ARHGEF11: variants seen among roughly 807,000 people sequenced by gnomAD.
The protein encoded by ARHGEF11 is Rho guanine exchange factor (GEF) 11.
A neutral mutation model predicts 193.7 loss-of-function variants in ARHGEF11; 55 were observed. That is an observed-to-expected ratio of 0.28 (90% CI 0.23 to 0.36). The LOEUF is 0.36. Among genes scored for constraint, ARHGEF11 ranks in the 10% least tolerant of loss-of-function variants. ARHGEF11 has a pLI of 1.00. For missense variants in ARHGEF11, 1,723 were observed against 2,005.6 expected (o/e 0.86, Z 2.69); for synonymous variants, 693 against 768.0 (o/e 0.90, Z 1.62).
At chr1:156,958,902 A>C in intron 16 of ARHGEF11, 38 bp from the exon 17 acceptor site, 1 of 1,613,686 alleles carries the variant, frequency 6.2e-7, no homozygotes, top group South Asian at 1.1e-5. Context: ...AGAAATATAC[A>C]CAAATACTCA....
chr1:156,945,761 G>A (rs1657992040), intron 29 of ARHGEF11: 1 of 366,204 alleles, frequency 2.7e-6, no homozygotes, highest in Non-Finnish European at 5.1e-6. Context: ...GTGCCCTTGA[G>A]TGCCAGCCTG....
intron 19 of ARHGEF11, 94 bp downstream of exon 19, chr1:156,956,326 G>A (rs1659944325): frequency 1.5e-6 from 2 of 1,334,020 alleles, no homozygotes; most frequent in African/African-American, 1.5e-5. Flanking sequence ...ATGTTGCCCA[G>A]GCTGGTCTCG....
chr1:156,974,974 T>C (rs1213046444), intron 7 of ARHGEF11, among the ~76,000 whole-genome samples: 1 of 152,160 alleles, frequency 6.6e-6, no homozygotes, highest in Non-Finnish European at 1.5e-5. Flanking sequence ...GTATGAATGT[T>C]CATGTACAAG....
intron 35 of ARHGEF11, among the ~76,000 whole-genome samples, chr1:156,940,678 T>C (rs781518114): frequency 8.5e-5 from 13 of 152,176 alleles, no homozygotes; most frequent in Non-Finnish European, 1.6e-4. Flanking sequence ...CAGTCAATTA[T>C]GTAGTTTGTT....
At chr1:157,000,439 T>A (rs1158873779) in intron 1 of ARHGEF11, among the ~76,000 whole-genome samples, 5 of 152,200 alleles carry the variant, frequency 3.3e-5, no homozygotes, top group Non-Finnish European at 7.3e-5. Context: ...TGAGTCGACT[T>A]TTGATTATTG....
chr1:156,991,747 C>T (rs199620326), intron 1 of ARHGEF11, among the ~76,000 whole-genome samples: 1 of 110,282 alleles, frequency 9.1e-6, no homozygotes, highest in Non-Finnish European at 1.7e-5. Context: ...GACGGAGTCT[C>T]GCTCTGTCGC....
At chr1:156,987,665 A>G (rs1000527816) in intron 1 of ARHGEF11, among the ~76,000 whole-genome samples, 13 of 152,166 alleles carry the variant, frequency 8.5e-5, no homozygotes, top group Non-Finnish European at 5.9e-5. Context: ...TTATAAATAT[A>G]AAGGAGTGGG....
At chr1:157,035,603 C>T (rs1471589284) in intron 1 of ARHGEF11, among the ~76,000 whole-genome samples, 1 of 151,620 alleles carries the variant, frequency 6.6e-6, no homozygotes, top group Non-Finnish European at 1.5e-5. Flanking sequence ...CGGGGTTTCT[C>T]CATGTTGGTC....
At chr1:157,046,254 T>G (rs1673318398), upstream of ARHGEF11, among the ~76,000 whole-genome samples, 1 of 135,188 alleles carries the variant, frequency 7.4e-6, no homozygotes, top group South Asian at 2.5e-4. Flanking sequence ...CCGCCACCCC[T>G]GCCGCCTTTT....
At chr1:156,956,885 A>G (rs893495123) in intron 18 of ARHGEF11, among the ~76,000 whole-genome samples, 1 of 152,124 alleles carries the variant, frequency 6.6e-6, no homozygotes, top group African/African-American at 2.4e-5. Flanking sequence ...CCTAAAATGT[A>G]AGTAAATAAT....
chr1:156,947,235 T>C lies in ARHGEF11; in HGVS notation c.2488+69A>G, dbSNP rs1179043026. The C allele has an allele frequency of 3.2e-6, 5 of 1,551,402 alleles. No individual in the cohort carries two copies. In the East Asian group the frequency reaches 9.0e-5, roughly 28 times the overall value. ...TACCTACTCAGGGAGGTCCTGGCAG[T>C]GGGGCCAAAGTGGAACAGGAAGCTG... On this transcript the variant is annotated intron_variant, in intron 26 of 40. Coordinates refer to ENST00000368194, the MANE Select transcript of ARHGEF11 (RefSeq NM_198236.3).
chr1:157,021,683 C>T (rs1460950298), intron 1 of ARHGEF11, among the ~76,000 whole-genome samples: 1 of 152,188 alleles, frequency 6.6e-6, no homozygotes, highest in Non-Finnish European at 1.5e-5. Flanking sequence ...ATTCCTGTTC[C>T]AGTTTGACAC....
intron 1 of ARHGEF11, among the ~76,000 whole-genome samples, chr1:157,032,959 A>G (rs931226108): frequency 6.6e-6 from 1 of 151,700 alleles, no homozygotes; most frequent in Non-Finnish European, 1.5e-5. Flanking sequence ...TATGCCTCTC[A>G]TCTTCCTTCA....
At chr1:156,939,243 T>C (rs924500379) in intron 37 of ARHGEF11, 50 of 384,482 alleles carry the variant, frequency 1.3e-4, no homozygotes, top group Non-Finnish European at 1.9e-4. Context: ...AGACTGGTAC[T>C]GGTAGTTGGT....
intron 13 of ARHGEF11, 103 bp downstream of exon 13, chr1:156,963,100 C>T: frequency 1.2e-6 from 1 of 859,804 alleles, no homozygotes; most frequent in South Asian, 1.5e-5. Context: ...TGACTGTGCC[C>T]ATGGATCTGA....
chr1:156,967,982 C>G lies in ARHGEF11; in HGVS notation c.963+5G>C. ...AAAACTGCAGGGTGGCTCCAGATCA[C>G]TCACCTGGTCACCGGTTGAGGGGAC... On this transcript the variant is annotated splice_donor_5th_base_variant and intron_variant, in intron 11 of 40. Coordinates refer to ENST00000368194, the MANE Select transcript of ARHGEF11 (RefSeq NM_198236.3). 2 of 1,614,026 alleles carry G rather than the reference C, an allele frequency of 1.2e-6. No homozygotes were observed. Among genetic ancestry groups the G allele is most frequent in the Non-Finnish European group, 1.7e-6 (2 of 1,180,032 alleles).
chr1:156,981,974 C>T (rs1399304444), intron 3 of ARHGEF11, among the ~76,000 whole-genome samples: 4 of 152,310 alleles, frequency 2.6e-5, no homozygotes, highest in Non-Finnish European at 4.4e-5. Context: ...AATGTTTCTA[C>T]TCTAAAAAGA....
At chr1:157,016,836 G>GA (rs1669306063) in intron 1 of ARHGEF11, among the ~76,000 whole-genome samples, 1 of 151,468 alleles carries the variant, frequency 6.6e-6, no homozygotes. Context: ...TTTTGAGAGA[G>GA]AATCTTGCTT....
At chr1:157,033,904 G>A (rs1183787926) in intron 1 of ARHGEF11, among the ~76,000 whole-genome samples, 2 of 152,158 alleles carry the variant, frequency 1.3e-5, no homozygotes, top group East Asian at 3.9e-4. Context: ...TATCACAGGA[G>A]TAAGTTTGGG....
Sources: gnomAD v4.1 joint callset for allele counts (sites outside exome capture counted in the v4.1 genomes callset) on GRCh38, gnomAD v4.1.1 for gene constraint, MANE v1.5 for transcripts, NCBI Gene and HGNC (gene_info 2026-07-23, HGNC 2026-07-21) for gene names.